Variants in RTN4IP1 observed in about 807,000 individuals in gnomAD.
The protein encoded by RTN4IP1 is NAD(P)H oxidoreductase RTN4IP1, mitochondrial.
In RTN4IP1, 32 loss-of-function variants were observed where a neutral mutation model predicts 46.6. That is an observed-to-expected ratio of 0.69 (90% CI 0.52 to 0.92). The LOEUF (loss-of-function observed/expected upper bound fraction) is 0.92. Among genes scored for constraint, RTN4IP1 ranks in the 40% least tolerant of loss-of-function variants. The pLI, the probability that RTN4IP1 is intolerant of heterozygous loss-of-function variation, is 0.00. For synonymous variants in RTN4IP1, 167 were observed against 161.8 expected (o/e 1.03, Z -0.24); for missense variants, 424 against 485.8 (o/e 0.87, Z 1.20).
Position 106,606,731 on chromosome 6 carries a change from C to A in RTN4IP1, c.621-3809G>T, listed in dbSNP as rs747365382. Among the ~76,000 whole-genome samples, 20 of 151,868 alleles carry A rather than the reference C, an allele frequency of 1.3e-4. 1 individual carries two copies. Among genetic ancestry groups the A allele is most frequent in the Admixed American group, 2.6e-4 (4 of 15,250 alleles). ...AAGACCAGCCTATCTCAAAAACATA[C>A]ATATAAATTAAATAAATAAATAGAA... is the stretch of plus-strand genomic sequence containing the variant. On this transcript the variant is annotated intron_variant, in intron 4 of 8. Coordinates refer to ENST00000369063, the MANE Select transcript of RTN4IP1 (RefSeq NM_032730.5).
intron 4 of RTN4IP1, among the ~76,000 whole-genome samples, chr6:106,611,726 C>A (rs974016973): frequency 6.6e-6 from 1 of 152,106 alleles, no homozygotes; most frequent in South Asian, 2.1e-4. Context: ...TCAAAGGAGA[C>A]CAAGATAGCC....
chr6:106,579,094 G>T (rs943210177), intron 8 of RTN4IP1, among the ~76,000 whole-genome samples: 2 of 151,870 alleles, frequency 1.3e-5, no homozygotes, highest in Non-Finnish European at 2.9e-5. Flanking sequence ...AAATTAGCCG[G>T]GCGTGGTGGC....
intron 5 of RTN4IP1, among the ~76,000 whole-genome samples, chr6:106,599,213 T>C (rs1016610721): frequency 6.6e-6 from 1 of 151,962 alleles, no homozygotes; most frequent in African/African-American, 2.4e-5. Flanking sequence ...TTAACCTTGA[T>C]GCTTTTCTAT....
intron 1 of RTN4IP1, among the ~76,000 whole-genome samples, chr6:106,625,674 T>TC (rs1480280004): frequency 1.4e-5 from 2 of 146,450 alleles, no homozygotes; most frequent in East Asian, 3.9e-4. Flanking sequence ...TTTTTTTTTT[T>TC]TTTTTTTGAG....
chr6:106,572,627 T>C (rs1435216552), intron 8 of RTN4IP1, among the ~76,000 whole-genome samples: 4 of 152,208 alleles, frequency 2.6e-5, no homozygotes, highest in African/African-American at 9.6e-5. Flanking sequence ...ACAGGAACCA[T>C]GTGGCCTTCC....
chr6:106,602,397 C>G (rs756398055), intron 5 of RTN4IP1, among the ~76,000 whole-genome samples: 32 of 152,282 alleles, frequency 2.1e-4, no homozygotes, highest in Admixed American at 1.8e-3. Context: ...TTAGAATCAG[C>G]TTACCAATTT....
At chr6:106,627,257 C>T in intron 1 of RTN4IP1, among the ~76,000 whole-genome samples, 1 of 151,904 alleles carries the variant, frequency 6.6e-6, no homozygotes, top group East Asian at 1.9e-4. Flanking sequence ...TATTATTAAA[C>T]AGCAGCCAAG....
rs763888030 is a variant in RTN4IP1, at chr6:106,621,459, G to A, written c.461C>T (p.Thr154Ile). ...WAAVPPWKQG[T>I]LSEFVVVSGN... ...ACTGACTACAACAAACTCTGAAAGA[G>A]TGCCTTGTTTCCAAGGAGGAACTGC... Residue 154 changes from threonine (T) to isoleucine (I), a missense_variant, in exon 3 of 9, where the codon ACT (threonine) becomes ATT (isoleucine). By Grantham distance (89) the Thr-to-Ile change is moderately conservative. Coordinates refer to ENST00000369063, the MANE Select transcript of RTN4IP1 (RefSeq NM_032730.5). The A allele has an allele frequency of 2.5e-6, 4 of 1,613,848 alleles. No individual in the cohort carries two copies. The highest frequency in any genetic ancestry group is 2.7e-5 in the African/African-American group (2 of 74,910).
At chr6:106,599,742 C>T (rs1775895444) in intron 5 of RTN4IP1, among the ~76,000 whole-genome samples, 1 of 151,766 alleles carries the variant, frequency 6.6e-6, no homozygotes, top group South Asian at 2.1e-4. Flanking sequence ...ACAGGAATAG[C>T]CCTGCTCTGA....
Position 106,628,562 on chromosome 6 carries a change from C to T in RTN4IP1, c.274+186G>A, listed in dbSNP as rs137938356. Among the ~76,000 whole-genome samples the T allele has an allele frequency of 5.0e-4, 76 of 152,114 alleles. 1 individual carries two copies. Among genetic ancestry groups the T allele is most frequent in the East Asian group, 4.8e-3 (25 of 5,180 alleles). ...CAATCAAGCTTATATTTTGTCAATA[C>T]AAATGGCCAGAAGGATTCCCTGGCC... On this transcript the variant is annotated intron_variant, in intron 1 of 8. Coordinates refer to ENST00000369063, the MANE Select transcript of RTN4IP1 (RefSeq NM_032730.5).
intron 4 of RTN4IP1, among the ~76,000 whole-genome samples, chr6:106,607,098 C>A (rs1261388089): frequency 6.6e-6 from 1 of 151,970 alleles, no homozygotes; most frequent in Non-Finnish European, 1.5e-5. Context: ...ATAAATCAAC[C>A]TATTTATAGC....
At chr6:106,595,505 T>C (rs1342806003) in intron 5 of RTN4IP1, among the ~76,000 whole-genome samples, 1 of 151,418 alleles carries the variant, frequency 6.6e-6, no homozygotes, top group Non-Finnish European at 1.5e-5. Flanking sequence ...TCTTTCTTTT[T>C]TTTTTTTTTT....
At position 106,629,184 on chromosome 6, in the gene RTN4IP1, G is replaced by GA. The variant is rs28366042; in HGVS notation, c.-164dup. 0.033 allele frequency: 20,879 copies of GA among 635,192 alleles called. 1,112 individuals carry two copies. Among genetic ancestry groups the GA allele is most frequent in the East Asian group, 0.18 (6,422 of 36,600 alleles). 39.3% of individuals were successfully genotyped at this position (635,192 alleles called of 1,614,324 possible). A position where few individuals can be genotyped will look rare whatever the true frequency, so the allele number is the denominator to read the frequency against. On this transcript the variant is annotated 5_prime_UTR_variant, in exon 1 of 9. Coordinates refer to ENST00000369063, the MANE Select transcript of RTN4IP1 (RefSeq NM_032730.5). Reference sequence around the variant, plus strand: ...ATGAAGCTAATCTAATGGAGAAACTGAAAGAAGAATACGGAACTGTTATTC... The same window carrying GA: ...ATGAAGCTAATCTAATGGAGAAACTGAAAAGAAGAATACGGAACTGTTATTC...
At chr6:106,592,433 C>A in intron 5 of RTN4IP1, 133 bp from the exon 6 acceptor site, 1 of 899,196 alleles carries the variant, frequency 1.1e-6, no homozygotes, top group South Asian at 1.9e-5. Flanking sequence ...AGTACGTCAT[C>A]TTAACCAGAA....
intron 8 of RTN4IP1, among the ~76,000 whole-genome samples, chr6:106,582,606 T>C (rs1775395685): frequency 1.3e-5 from 2 of 152,088 alleles, no homozygotes; most frequent in Admixed American, 6.5e-5. Flanking sequence ...ATATAATCTC[T>C]CAATAACATA....
intron 5 of RTN4IP1, among the ~76,000 whole-genome samples, chr6:106,598,980 G>T (rs1425129754): frequency 6.6e-6 from 1 of 151,706 alleles, no homozygotes; most frequent in East Asian, 1.9e-4. Context: ...ATTACTAAAT[G>T]ATTTTTTCAT....
intron 5 of RTN4IP1, among the ~76,000 whole-genome samples, chr6:106,602,254 T>G (rs1054731805): frequency 6.6e-5 from 10 of 152,160 alleles, no homozygotes; most frequent in African/African-American, 2.4e-4. Context: ...CATTTTGGGG[T>G]CAACTTGTCC....
At chr6:106,629,530 C>T (rs763511451), upstream of RTN4IP1, 204 of 1,000,694 alleles carry the variant, frequency 2.0e-4, 1 homozygote, top group Admixed American at 4.1e-4. Context: ...AAGATCATTT[C>T]CTCGGGCTGC....
chr6:106,613,947 C>G (rs1776289337), intron 4 of RTN4IP1, among the ~76,000 whole-genome samples: 1 of 152,262 alleles, frequency 6.6e-6, no homozygotes, highest in South Asian at 2.1e-4. Flanking sequence ...CTTGGAAGCC[C>G]ACCCCTCTTC....
Sources: allele counts gnomAD v4.1 joint callset (sites outside exome capture counted in the v4.1 genomes callset), GRCh38; gene constraint gnomAD v4.1.1; transcripts MANE v1.5; gene names NCBI Gene and HGNC (gene_info 2026-07-23, HGNC 2026-07-21).